The following STXBP6 variants were observed in gnomAD, a reference collection of about 807,000 sequenced individuals.
STXBP6 encodes the protein syntaxin-binding protein 6.
Under a neutral mutation model 26.9 loss-of-function variants are expected in STXBP6, and 21 were observed. The ratio of observed to expected loss-of-function variants is 0.78; its 90% CI spans 0.55 to 1.12. The LOEUF (loss-of-function observed/expected upper bound fraction) is 1.12, where lower values mean the gene tolerates loss of function less well. STXBP6 is among the 50% of genes most tolerant of loss of function. The pLI, the probability that STXBP6 is intolerant of heterozygous loss-of-function variation, is 0.00. For missense variants in STXBP6, 232 were observed against 257.9 expected (o/e 0.90, Z 0.69); for synonymous variants, 97 against 92.6 (o/e 1.05, Z -0.27).
chr14:24,899,176 TAAC>T (rs2071111799), intron 2 of STXBP6, among the ~76,000 whole-genome samples: 1 of 152,324 alleles, frequency 6.6e-6, no homozygotes, highest in Admixed American at 6.5e-5. Flanking sequence ...ATATATATAA[TAAC>T]ACCACAACCG....
intron 2 of STXBP6, among the ~76,000 whole-genome samples, chr14:24,890,167 A>G (rs2070739565): frequency 6.6e-6 from 1 of 152,244 alleles, no homozygotes; most frequent in East Asian, 1.9e-4. Flanking sequence ...AAACACTGGG[A>G]TGCCTGCTAA....
At chr14:25,047,240 G>A (rs181666595) in intron 1 of STXBP6, among the ~76,000 whole-genome samples, 3 of 152,278 alleles carry the variant, frequency 2.0e-5, no homozygotes, top group African/African-American at 7.2e-5. Flanking sequence ...CACTACCCAA[G>A]GGTGATCTAA....
chr14:25,006,092 T>C (rs1031621519), intron 1 of STXBP6, among the ~76,000 whole-genome samples: 3 of 152,232 alleles, frequency 2.0e-5, no homozygotes, highest in African/African-American at 7.2e-5. Context: ...TTCTCTATAA[T>C]GGCTCAAACA....
intron 1 of STXBP6, among the ~76,000 whole-genome samples, chr14:24,980,829 T>C (rs1391954364): frequency 6.6e-6 from 1 of 152,208 alleles, no homozygotes; most frequent in Non-Finnish European, 1.5e-5. Context: ...AAACATTATC[T>C]GTTCTGCTAG....
At chr14:24,925,277 C>T (rs940057860) in intron 2 of STXBP6, among the ~76,000 whole-genome samples, 13 of 152,152 alleles carry the variant, frequency 8.5e-5, no homozygotes, top group Non-Finnish European at 1.9e-4. Flanking sequence ...ATGAACAAAG[C>T]CCTCGCCCAA....
intron 1 of STXBP6, among the ~76,000 whole-genome samples, chr14:25,042,344 G>A (rs558058856): frequency 6.6e-6 from 1 of 152,324 alleles, no homozygotes; most frequent in African/African-American, 2.4e-5. Context: ...AGTCCCAAAA[G>A]CAACAGAGGA....
rs1008424872 is a variant in STXBP6 at position 25,005,976 on chromosome 14, AGGGATTTTGATCTTTT to A, written c.-32-31142_-32-31127del. ...TTAGACATGAGGGACTTTGGACTTT[AGGGATTTTGATCTTTT>A]GGGATTTTGATGTTCAGAACTTCAA... On this transcript the variant is annotated intron_variant, in intron 1 of 5. Coordinates refer to ENST00000323944, the MANE Select transcript of STXBP6 (RefSeq NM_001394410.1). Among the ~76,000 whole-genome samples, 5 of 152,184 alleles carry A rather than the reference AGGGATTTTGATCTTTT, an allele frequency of 3.3e-5. No individual in the cohort carries two copies. The South Asian group carries it at 6.2e-4, about 19-fold the overall frequency.
chr14:24,948,249 C>T (rs1365495564), intron 2 of STXBP6, among the ~76,000 whole-genome samples: 1 of 152,114 alleles, frequency 6.6e-6, no homozygotes, highest in Non-Finnish European at 1.5e-5. Context: ...ACTGAGGCTT[C>T]TAGGTGGTGG....
intron 2 of STXBP6, among the ~76,000 whole-genome samples, chr14:24,891,336 C>G (rs2070779047): frequency 6.6e-6 from 1 of 152,130 alleles, no homozygotes; most frequent in Non-Finnish European, 1.5e-5. Context: ...AGTGCTGCTC[C>G]CTCTGAAGGA....
intron 1 of STXBP6, among the ~76,000 whole-genome samples, chr14:25,009,429 A>G (rs2074980747): frequency 6.6e-6 from 1 of 152,204 alleles, no homozygotes; most frequent in South Asian, 2.1e-4. Flanking sequence ...CAAATTATAC[A>G]AAACTATACA....
chr14:24,858,130 C>T (rs2069405138), intron 2 of STXBP6, among the ~76,000 whole-genome samples: 1 of 152,086 alleles, frequency 6.6e-6, no homozygotes, highest in Admixed American at 6.6e-5. Flanking sequence ...TTTCGAATCA[C>T]CCCACAGATT....
At chr14:24,861,879 G>A (rs2069550939) in intron 2 of STXBP6, among the ~76,000 whole-genome samples, 1 of 152,130 alleles carries the variant, frequency 6.6e-6, no homozygotes. Context: ...TTTGTCTCTG[G>A]GGCCCTCCCC....
chr14:24,839,301 C>T (rs1374450672), intron 4 of STXBP6, among the ~76,000 whole-genome samples: 2 of 152,108 alleles, frequency 1.3e-5, no homozygotes, highest in Non-Finnish European at 2.9e-5. Context: ...TGGATCTTTG[C>T]TCTGGGGTTG....
chr14:24,901,651 C>A (rs1024792502), intron 2 of STXBP6, among the ~76,000 whole-genome samples: 1 of 152,002 alleles, frequency 6.6e-6, no homozygotes, highest in African/African-American at 2.4e-5. Flanking sequence ...TTATGACATA[C>A]CCATACAACA....
At chr14:25,028,809 G>A (rs1210455302) in intron 1 of STXBP6, among the ~76,000 whole-genome samples, 2 of 152,066 alleles carry the variant, frequency 1.3e-5, no homozygotes, top group African/African-American at 4.8e-5. Context: ...ATTCATGGGG[G>A]GAGGTCAAAA....
chr14:25,049,852 C>A lies in STXBP6; in HGVS notation c.-33+26G>T. ...CCGGGCTTGGCCTCCGCCCTGACCG[C>A]CTGGCTCCCCTCGCCCCGGTCCTAC... On this transcript the variant is annotated intron_variant, in intron 1 of 5. Transcript: ENST00000323944. This position sits in a 1 kb window ranked among gnomAD's most constrained non-coding sequence, Gnocchi z 5.6. The A allele has an allele frequency of 1.0e-6, 1 of 985,570 alleles. No individual in the cohort carries two copies. Among genetic ancestry groups the A allele is most frequent in the Non-Finnish European group, 1.2e-6 (1 of 830,116 alleles). The allele number at this position is 985,570 out of a possible 1,614,324, so 61.1% of individuals were successfully genotyped here. A position where few individuals can be genotyped will look rare whatever the true frequency, so the allele number is the denominator to read the frequency against.
intron 2 of STXBP6, among the ~76,000 whole-genome samples, chr14:24,900,767 G>A (rs1011262176): frequency 1.3e-5 from 2 of 152,168 alleles, no homozygotes; most frequent in Admixed American, 1.3e-4. Flanking sequence ...TTAAAATCAT[G>A]GAAATAAATG....
Position 24,985,615 on chromosome 14 carries a change from T to C in STXBP6, c.-32-10765A>G, listed in dbSNP as rs545954113. ...CAGTGCTTCAAGGAACCTTAGCTTC[T>C]CCAGCAGCAATGCCCTGAGTTTCAC... On this transcript the variant is annotated intron_variant, in intron 1 of 5. Coordinates refer to ENST00000323944, the MANE Select transcript of STXBP6 (RefSeq NM_001394410.1). 2.6e-5 allele frequency among the ~76,000 whole-genome samples: 4 copies of C among 152,324 alleles called. 1 individual carries two copies. The highest frequency in any genetic ancestry group is 3.4e-3 in the Middle Eastern group (1 of 294).
chr14:25,027,658 A>G (rs1232526749), intron 1 of STXBP6, among the ~76,000 whole-genome samples: 1 of 152,216 alleles, frequency 6.6e-6, no homozygotes, highest in Non-Finnish European at 1.5e-5. Context: ...GAAGATTCTC[A>G]TGTCTCTCAC....
Sources: allele counts gnomAD v4.1 joint callset (sites outside exome capture counted in the v4.1 genomes callset), GRCh38; gene constraint gnomAD v4.1.1; non-coding constraint Gnocchi (gnomAD v3.1); transcripts MANE v1.5; gene names NCBI Gene and HGNC (gene_info 2026-07-23, HGNC 2026-07-21).